XKR6: variants seen among roughly 807,000 people sequenced by gnomAD.
The protein encoded by XKR6 is XK-related protein 6.
XKR6 carries 22 observed loss-of-function variants against 56.7 expected under a neutral mutation model. The ratio of observed to expected loss-of-function variants is 0.39; its 90% CI spans 0.28 to 0.55. XKR6 has a LOEUF of 0.55. XKR6 is among the 20% of genes least tolerant of loss of function. The pLI, the probability that XKR6 is intolerant of heterozygous loss-of-function variation, is 0.66. For synonymous variants in XKR6, 524 were observed against 387.8 expected (o/e 1.35, Z -4.13); for missense variants, 852 against 889.0 (o/e 0.96, Z 0.53).
chr8:11,149,181 C>T (rs74448456), intron 1 of XKR6, among the ~76,000 whole-genome samples: 7,725 of 152,160 alleles, frequency 0.051, 252 homozygotes, highest in South Asian at 0.11. Context: ...GAAAACATTC[C>T]GAGAAATGCA....
chr8:11,177,738 G>C (rs544966591), intron 1 of XKR6, among the ~76,000 whole-genome samples: 25 of 152,236 alleles, frequency 1.6e-4, no homozygotes, highest in Non-Finnish European at 2.9e-4. Context: ...CAGAAGCTAG[G>C]AAGGGGCATG....
intron 1 of XKR6, among the ~76,000 whole-genome samples, chr8:11,082,465 G>A (rs916605867): frequency 2.0e-5 from 3 of 152,226 alleles, no homozygotes; most frequent in African/African-American, 7.2e-5. Flanking sequence ...GCCCAGAGAG[G>A]CCTGCATAAG....
At chr8:11,096,407 T>G (rs1798263254) in intron 1 of XKR6, among the ~76,000 whole-genome samples, 1 of 152,224 alleles carries the variant, frequency 6.6e-6, no homozygotes, top group Non-Finnish European at 1.5e-5. Flanking sequence ...TTACAAAACT[T>G]TAATAATAAA....
At chr8:11,009,201 G>A (rs147730634) in intron 1 of XKR6, among the ~76,000 whole-genome samples, 8 of 152,030 alleles carry the variant, frequency 5.3e-5, no homozygotes, top group Non-Finnish European at 1.0e-4. Flanking sequence ...TGTCTCTTTC[G>A]CCCTCTCATT....
rs775617222 is a variant in XKR6, at chr8:10,897,759, G to C, written c.*193C>G. 3 of 598,168 alleles carry C rather than the reference G, an allele frequency of 5.0e-6. No individual in the cohort carries two copies. The highest frequency in any genetic ancestry group is 3.7e-5 in the African/African-American group (2 of 53,502). 37.1% of individuals were successfully genotyped at this position (598,168 alleles called of 1,614,324 possible). A position where few individuals can be genotyped will look rare whatever the true frequency, so the allele number is the denominator to read the frequency against. On this transcript the variant is annotated 3_prime_UTR_variant, in exon 3 of 3. Transcript: ENST00000416569. ...ATATCTTTGTATACATACAGCGACT[G>C]GAAAGAAAGCTTATTTGAAGGGGTT...
chr8:10,937,511 T>A (rs1801239480), intron 1 of XKR6, among the ~76,000 whole-genome samples: 1 of 148,880 alleles, frequency 6.7e-6, no homozygotes. Flanking sequence ...TCTGTTCTGT[T>A]TTTTCCCCAT....
intron 1 of XKR6, among the ~76,000 whole-genome samples, chr8:11,014,646 C>T (rs1798577556): frequency 6.6e-6 from 1 of 152,132 alleles, no homozygotes; most frequent in Non-Finnish European, 1.5e-5. Flanking sequence ...AAATGTAGGT[C>T]CCATGATTGA....
chr8:11,061,611 A>G (rs1380443828), intron 1 of XKR6, among the ~76,000 whole-genome samples: 1 of 152,128 alleles, frequency 6.6e-6, no homozygotes, highest in East Asian at 1.9e-4. Flanking sequence ...TCATTCATTC[A>G]TTCATTCATT....
chr8:11,102,465 C>T (rs1798519144), intron 1 of XKR6, among the ~76,000 whole-genome samples: 1 of 152,164 alleles, frequency 6.6e-6, no homozygotes, highest in South Asian at 2.1e-4. Flanking sequence ...GAATAGCTCT[C>T]TGAGAAGACA....
intron 1 of XKR6, chr8:11,138,023 G>A (rs1800495355): frequency 3.7e-6 from 1 of 271,196 alleles, no homozygotes; most frequent in South Asian, 3.7e-5. Flanking sequence ...CATCAGAGCA[G>A]AAGGGTGGGA....
At chr8:11,079,988 C>A (rs561722356) in intron 1 of XKR6, among the ~76,000 whole-genome samples, 4 of 151,942 alleles carry the variant, frequency 2.6e-5, no homozygotes, top group South Asian at 4.2e-4. Flanking sequence ...TAAATAAATA[C>A]ATAAATACAT....
chr8:11,149,613 TAA>T (rs879750174), intron 1 of XKR6, among the ~76,000 whole-genome samples: 3 of 145,316 alleles, frequency 2.1e-5, no homozygotes, highest in Non-Finnish European at 4.6e-5. Context: ...TGCTTCACGT[TAA>T]AAAAAAAAAG....
intron 1 of XKR6, among the ~76,000 whole-genome samples, chr8:11,098,824 G>A (rs1798358486): frequency 6.6e-6 from 1 of 152,126 alleles, no homozygotes; most frequent in Non-Finnish European, 1.5e-5. Flanking sequence ...GGGCTAGGAG[G>A]GAGAAATACA....
rs903123991 is a variant in XKR6 at position 11,200,147 on chromosome 8, G to A, written c.764+429C>T. Among the ~76,000 whole-genome samples, 4 of 152,228 alleles carry A rather than the reference G, an allele frequency of 2.6e-5. No individual in the cohort carries two copies. The highest frequency in any genetic ancestry group is 5.9e-5 in the Non-Finnish European group (4 of 68,042). The stretch of plus-strand genomic sequence containing the variant: ...ACTGCAGAGGGAGAACGGGGGAAGA[G>A]GGGAGGATGTCTCACCTGGGAACAA... On this transcript the variant is annotated intron_variant, in intron 1 of 2. Coordinates refer to ENST00000416569, the MANE Select transcript of XKR6 (RefSeq NM_173683.4). This position sits in a 1 kb window ranked among gnomAD's most constrained non-coding sequence, Gnocchi z 6.4.
At chr8:10,953,157 C>G (rs1038519336) in intron 1 of XKR6, among the ~76,000 whole-genome samples, 1 of 152,144 alleles carries the variant, frequency 6.6e-6, no homozygotes, top group African/African-American at 2.4e-5. Context: ...ATAAAGTGTA[C>G]AATCAATGTA....
At chr8:11,172,064 A>C (rs1802402034) in intron 1 of XKR6, among the ~76,000 whole-genome samples, 2 of 147,022 alleles carry the variant, frequency 1.4e-5, no homozygotes, top group Non-Finnish European at 3.0e-5. Flanking sequence ...AAAAATAAGA[A>C]AAAAAAAAAA....
chr8:11,142,336 T>C (rs1395979981), intron 1 of XKR6, among the ~76,000 whole-genome samples: 2 of 151,994 alleles, frequency 1.3e-5, no homozygotes, highest in African/African-American at 2.4e-5. Flanking sequence ...AAGAAAGCTA[T>C]AAGGGCTTGT....
chr8:11,126,592 C>T (rs540979772), intron 1 of XKR6, among the ~76,000 whole-genome samples: 1 of 152,088 alleles, frequency 6.6e-6, no homozygotes, highest in East Asian at 1.9e-4. Flanking sequence ...AAGGAAAACA[C>T]CTTATATCTC....
At chr8:11,096,980 C>T (rs1424350242) in intron 1 of XKR6, among the ~76,000 whole-genome samples, 1 of 152,208 alleles carries the variant, frequency 6.6e-6, no homozygotes, top group Non-Finnish European at 1.5e-5. Context: ...TTTGTACCAT[C>T]TGATGAGAAC....
Sources: gnomAD v4.1 joint callset for allele counts (sites outside exome capture counted in the v4.1 genomes callset) on GRCh38, gnomAD v4.1.1 for gene constraint, Gnocchi (gnomAD v3.1) non-coding constraint, MANE v1.5 for transcripts, NCBI Gene and HGNC (gene_info 2026-07-23, HGNC 2026-07-21) for gene names.